The following ASTN2 variants were observed in gnomAD, a reference collection of about 807,000 sequenced individuals.
ASTN2 encodes the protein astrotactin 2, also known as astrotactin-2.
A neutral mutation model predicts 139.8 loss-of-function variants in ASTN2; 54 were observed. The ratio of observed to expected loss-of-function variants is 0.39; its 90% confidence interval spans 0.31 to 0.48. The LOEUF (loss-of-function observed/expected upper bound fraction) is 0.48, where lower values mean the gene tolerates loss of function less well. ASTN2 is among the 20% of genes least tolerant of loss of function. The pLI is 0.95. For synonymous variants in ASTN2, 756 were observed against 719.5 expected (o/e 1.05, Z -0.81); for missense variants, 1,565 against 1,725.1 (o/e 0.91, Z 1.64).
At chr9:117,201,276 G>A (rs1036848846) in intron 3 of ASTN2, among the ~76,000 whole-genome samples, 1 of 151,692 alleles carries the variant, frequency 6.6e-6, no homozygotes, top group East Asian at 1.9e-4. Flanking sequence ...TTCTTCATTA[G>A]TCTAGCTAGC....
At chr9:116,613,975 C>T (rs771134796) in intron 19 of ASTN2, among the ~76,000 whole-genome samples, 12 of 152,160 alleles carry the variant, frequency 7.9e-5, no homozygotes, top group Non-Finnish European at 1.0e-4. Flanking sequence ...ATTTAGAAAA[C>T]CCCATCGTCT....
chr9:116,960,516 A>G (rs986974219), intron 10 of ASTN2, among the ~76,000 whole-genome samples: 5 of 150,572 alleles, frequency 3.3e-5, no homozygotes, highest in African/African-American at 1.2e-4. Flanking sequence ...ATATACCTTC[A>G]TCTAAGGCAT....
At chr9:116,989,741 G>A (rs1836793961) in intron 7 of ASTN2, among the ~76,000 whole-genome samples, 1 of 151,898 alleles carries the variant, frequency 6.6e-6, no homozygotes, top group Admixed American at 6.6e-5. Flanking sequence ...CCGCCACCAG[G>A]CCCAGCTAAT....
At chr9:116,939,190 T>A (rs1401355153) in intron 10 of ASTN2, among the ~76,000 whole-genome samples, 1 of 152,190 alleles carries the variant, frequency 6.6e-6, no homozygotes, top group East Asian at 1.9e-4. Context: ...TCTGGCATAA[T>A]GAAGACAGTC....
At chr9:117,384,005 T>C (rs1356709093) in intron 1 of ASTN2, among the ~76,000 whole-genome samples, 1 of 152,282 alleles carries the variant, frequency 6.6e-6, no homozygotes, top group East Asian at 1.9e-4. Context: ...ACTTCTCCAC[T>C]TATCTTGTGT....
chr9:116,917,182 T>A (rs1834472518), intron 10 of ASTN2, among the ~76,000 whole-genome samples: 1 of 152,188 alleles, frequency 6.6e-6, no homozygotes, highest in South Asian at 2.1e-4. Context: ...AGATGTTAGA[T>A]CAACTGTGAC....
chr9:117,106,081 G>A (rs12005571), intron 4 of ASTN2, among the ~76,000 whole-genome samples: 3,950 of 152,204 alleles, frequency 0.026, 167 homozygotes, highest in African/African-American at 0.089. Context: ...ATTAAGTTCC[G>A]TGAAATTTCC....
At chr9:117,227,965 A>G (rs1832768335) in intron 2 of ASTN2, among the ~76,000 whole-genome samples, 1 of 152,150 alleles carries the variant, frequency 6.6e-6, no homozygotes, top group African/African-American at 2.4e-5. Flanking sequence ...AAATCATAGG[A>G]CTTTAGTGAA....
intron 10 of ASTN2, among the ~76,000 whole-genome samples, chr9:116,972,723 C>A (rs994739691): frequency 6.6e-6 from 1 of 152,182 alleles, no homozygotes; most frequent in Non-Finnish European, 1.5e-5. Context: ...CTAAGTTGTT[C>A]TGCCTACTGT....
chr9:116,840,209 A>G (rs1317707045), intron 11 of ASTN2, among the ~76,000 whole-genome samples: 1 of 148,224 alleles, frequency 6.7e-6, no homozygotes, highest in Non-Finnish European at 1.5e-5. Context: ...TCACCGATCA[A>G]CAGGATCCCA....
intron 16 of ASTN2, among the ~76,000 whole-genome samples, chr9:116,721,465 T>C (rs1381994564): frequency 6.6e-6 from 1 of 152,164 alleles, no homozygotes; most frequent in Non-Finnish European, 1.5e-5. Flanking sequence ...AGGTAGTTTT[T>C]TCAAAATACA....
chr9:117,239,498 G>T (rs1295346823), intron 2 of ASTN2, among the ~76,000 whole-genome samples: 2 of 152,164 alleles, frequency 1.3e-5, no homozygotes, highest in East Asian at 3.9e-4. Flanking sequence ...GCTTTGGGCT[G>T]CCATTGGAGA....
At position 116,669,557 on chromosome 9, in the gene ASTN2, T is replaced by C. The variant is rs969131030; in HGVS notation, c.2807-17764A>G. Among the ~76,000 whole-genome samples the C allele has an allele frequency of 2.6e-5, 4 of 152,354 alleles. No homozygotes were observed. In the South Asian group the frequency reaches 8.3e-4, roughly 32 times the overall value. ...CATCTTTTCATATGCTTATTTGCCA[T>C]ATGTCTATCTTCCTTGGTGACATGT... On this transcript the variant is annotated intron_variant, in intron 16 of 22. Transcript: ENST00000313400.
chr9:116,942,100 A>G (rs1022742624), intron 10 of ASTN2, among the ~76,000 whole-genome samples: 2 of 138,778 alleles, frequency 1.4e-5, no homozygotes, highest in African/African-American at 6.0e-5. Flanking sequence ...GCACACACAC[A>G]CACACACACA....
chr9:116,618,079 T>C (rs1855942210), intron 19 of ASTN2, among the ~76,000 whole-genome samples: 2 of 152,178 alleles, frequency 1.3e-5, no homozygotes, highest in African/African-American at 4.8e-5. Context: ...ACTAGTTCTC[T>C]GACATAATAT....
intron 16 of ASTN2, 145 bp from the exon 17 acceptor site, chr9:116,651,938 C>G (rs1030617711): frequency 2.4e-5 from 25 of 1,027,652 alleles, no homozygotes; most frequent in Non-Finnish European, 3.2e-5. Context: ...ATTCATGATG[C>G]CTTGGAAAGA....
intron 2 of ASTN2, among the ~76,000 whole-genome samples, chr9:117,236,500 G>A (rs1833049177): frequency 6.6e-6 from 1 of 152,190 alleles, no homozygotes; most frequent in South Asian, 2.1e-4. Flanking sequence ...GCTCAGGGTG[G>A]GATGTAGGAC....
At chr9:116,815,804 C>CAAGAAAAAAA (rs1831303757) in intron 12 of ASTN2, among the ~76,000 whole-genome samples, 1 of 24,108 alleles carries the variant, frequency 4.1e-5, no homozygotes, top group Non-Finnish European at 6.7e-5. Context: ...GACTCCGTCT[C>CAAGAAAAAAA]AAAAAAAAAA....
Position 117,141,311 on chromosome 9 carries a change from G to T in ASTN2, c.1168+15C>A. 1 of 1,366,332 alleles carries T rather than the reference G, an allele frequency of 7.3e-7. No homozygotes were observed. Among genetic ancestry groups the T allele is most frequent in the South Asian group, 1.1e-5 (1 of 87,960 alleles). 84.6% of individuals were successfully genotyped at this position (1,366,332 alleles called of 1,614,324 possible). A position where few individuals can be genotyped will look rare whatever the true frequency, so the allele number is the denominator to read the frequency against. The stretch of plus-strand genomic sequence containing the variant: ...ACCTTCTGACTTCCTGGCCAGATGT[G>T]CCAGGAGGGCCTACCTCGAGACTTG... On this transcript the variant is annotated intron_variant, in intron 4 of 22. Coordinates refer to ENST00000313400, the MANE Select transcript of ASTN2 (RefSeq NM_001365068.1).
Sources: allele counts gnomAD v4.1 joint callset (sites outside exome capture counted in the v4.1 genomes callset), GRCh38; gene constraint gnomAD v4.1.1; transcripts MANE v1.5; gene names NCBI Gene and HGNC (gene_info 2026-07-23, HGNC 2026-07-21).